The following LPAR3 variants were observed in gnomAD, a reference collection of about 807,000 sequenced individuals.
The protein encoded by LPAR3 is lysophosphatidic acid receptor 3, also known as LPA receptor 3.
LPAR3 carries 7 observed loss-of-function variants against 17.8 expected under a neutral mutation model. The ratio of observed to expected loss-of-function variants is 0.39; its 90% CI spans 0.22 to 0.74. LPAR3 has a LOEUF of 0.74. Ranked by LOEUF, LPAR3 falls within the 30% of genes least tolerant of loss-of-function variation. The probability of loss-of-function intolerance (pLI) is 0.40; values close to 1 mark genes in which losing one functional copy is unlikely to be tolerated. For missense variants in LPAR3, 391 were observed against 453.4 expected (o/e 0.86, Z 1.25); for synonymous variants, 179 against 179.9 (o/e 0.99, Z 0.04).
intron 2 of LPAR3, among the ~76,000 whole-genome samples, chr1:84,846,743 A>G (rs1400344180): frequency 6.6e-6 from 1 of 152,140 alleles, no homozygotes; most frequent in African/African-American, 2.4e-5. Context: ...AGCAAATAAG[A>G]TCTCATTCAA....
chr1:84,884,762 C>G (rs1387956422), intron 1 of LPAR3, among the ~76,000 whole-genome samples: 1 of 152,210 alleles, frequency 6.6e-6, no homozygotes, highest in African/African-American at 2.4e-5. Flanking sequence ...CTCAGAAAGA[C>G]AAGTAATAAC....
intron 1 of LPAR3, among the ~76,000 whole-genome samples, chr1:84,874,744 A>G (rs1660222563): frequency 6.6e-6 from 1 of 152,226 alleles, no homozygotes; most frequent in Non-Finnish European, 1.5e-5. Flanking sequence ...TCATAAAAGG[A>G]CAGAAAAAGT....
At chr1:84,890,163 G>A (rs1206217047) in intron 1 of LPAR3, among the ~76,000 whole-genome samples, 1 of 152,150 alleles carries the variant, frequency 6.6e-6, no homozygotes, top group African/African-American at 2.4e-5. Flanking sequence ...TCCAGGATGA[G>A]GAACAAAGGA....
intron 1 of LPAR3, among the ~76,000 whole-genome samples, chr1:84,876,387 G>A (rs1279176373): frequency 6.6e-6 from 1 of 152,154 alleles, no homozygotes; most frequent in African/African-American, 2.4e-5. Flanking sequence ...TTCTGCCAAT[G>A]AGAGGAACAG....
At chr1:84,862,096 C>A (rs748181390) in intron 2 of LPAR3, among the ~76,000 whole-genome samples, 3 of 152,046 alleles carry the variant, frequency 2.0e-5, no homozygotes, top group Admixed American at 6.6e-5. Flanking sequence ...TTTAAGCAGG[C>A]GGGTAATTTC....
chr1:84,821,134 T>C (rs59536255), intron 2 of LPAR3, among the ~76,000 whole-genome samples: 36,408 of 151,420 alleles, frequency 0.24, 5,313 homozygotes, highest in African/African-American at 0.41. Context: ...GATCAGTGGT[T>C]TTCAAACCAT....
rs970663974 is a variant in LPAR3, at chr1:84,812,887, A to G, written c.*959T>C. On this transcript the variant is annotated 3_prime_UTR_variant, in exon 3 of 3. Transcript: ENST00000370611. ...AGCTGGATGTTCCATAGGCACTTCA[A>G]ACTTCACATTCTCTTCTCCTTGTTT... The G allele has an allele frequency of 1.3e-5, 2 of 151,862 alleles. No homozygotes were observed. The highest frequency in any genetic ancestry group is 2.4e-5 in the African/African-American group (1 of 41,308). 9.4% of individuals were successfully genotyped at this position (151,862 alleles called of 1,614,324 possible).
intron 2 of LPAR3, among the ~76,000 whole-genome samples, chr1:84,841,436 T>A (rs966062653): frequency 2.0e-5 from 3 of 152,188 alleles, no homozygotes; most frequent in African/African-American, 7.2e-5. Flanking sequence ...GAAAAGTGAA[T>A]GAAACCCCCA....
intron 2 of LPAR3, among the ~76,000 whole-genome samples, chr1:84,816,870 C>A (rs1198278896): frequency 6.6e-6 from 1 of 152,120 alleles, no homozygotes; most frequent in Non-Finnish European, 1.5e-5. Flanking sequence ...CCAAACTCTG[C>A]CTGTTGTACT....
At position 84,814,163 on chromosome 1, in the gene LPAR3, C is replaced by G. The variant is rs1411256374; in HGVS notation, c.745G>C (p.Val249Leu). The change falls in exon 3 of 3, where the codon GTG (valine) becomes CTG (leucine). Residue 249 changes from valine to leucine, a missense_variant. By Grantham distance (32) the Val-to-Leu change is conservative. Coordinates refer to ENST00000370611, the MANE Select transcript of LPAR3 (RefSeq NM_012152.3). The part of the protein sequence containing the change: ...KTVMTVLGAF[V>L]VCWTPGLVVL... Reference sequence around the variant, plus strand: ...ACCAGGCCCGGGGTCCAGCATACCACAAACGCCCCTGCAAGGAGAGAAGAG... The same window carrying G: ...ACCAGGCCCGGGGTCCAGCATACCAGAAACGCCCCTGCAAGGAGAGAAGAG... The G allele has an allele frequency of 6.2e-7, 1 of 1,613,632 alleles. No homozygotes were observed.
intron 2 of LPAR3, among the ~76,000 whole-genome samples, chr1:84,836,331 C>T (rs1373642479): frequency 9.8e-6 from 1 of 102,226 alleles, no homozygotes; most frequent in Non-Finnish European, 1.9e-5. Context: ...CAATGAGATC[C>T]TGTCTTTAAA....
chr1:84,856,430 T>C (rs1659828249), intron 2 of LPAR3, among the ~76,000 whole-genome samples: 1 of 152,244 alleles, frequency 6.6e-6, no homozygotes, highest in Non-Finnish European at 1.5e-5. Flanking sequence ...ATTTGATTAC[T>C]AAGGCATGCA....
At chr1:84,842,084 AAC>A (rs1223039169) in intron 2 of LPAR3, among the ~76,000 whole-genome samples, 1 of 152,218 alleles carries the variant, frequency 6.6e-6, no homozygotes, top group Non-Finnish European at 1.5e-5. Context: ...TTTCCTGAAT[AAC>A]ACAGGGCTTT....
chr1:84,861,020 T>C (rs1171967236), intron 2 of LPAR3, among the ~76,000 whole-genome samples: 1 of 152,216 alleles, frequency 6.6e-6, no homozygotes, highest in African/African-American at 2.4e-5. Context: ...ATTATAGGCG[T>C]GAGCCACCAC....
intron 1 of LPAR3, among the ~76,000 whole-genome samples, chr1:84,870,110 C>A (rs1022277699): frequency 1.3e-5 from 2 of 152,204 alleles, no homozygotes; most frequent in African/African-American, 4.8e-5. Context: ...ATCTCTTGGC[C>A]TCCCTTAACC....
At chr1:84,842,741 T>A (rs1174801282) in intron 2 of LPAR3, among the ~76,000 whole-genome samples, 29 of 152,208 alleles carry the variant, frequency 1.9e-4, no homozygotes, top group Admixed American at 1.9e-3. Context: ...TAGAAGATAA[T>A]CATAACAGTC....
intron 1 of LPAR3, among the ~76,000 whole-genome samples, chr1:84,881,668 C>T (rs1029176625): frequency 2.0e-5 from 3 of 152,106 alleles, no homozygotes; most frequent in Non-Finnish European, 4.4e-5. Flanking sequence ...GGGCTCAGTG[C>T]TGCAGTGACT....
At chr1:84,869,005 A>G (rs1339327953) in intron 1 of LPAR3, among the ~76,000 whole-genome samples, 1 of 152,204 alleles carries the variant, frequency 6.6e-6, no homozygotes, top group African/African-American at 2.4e-5. Flanking sequence ...TAAGAGAAAC[A>G]TTTCTAATTT....
intron 1 of LPAR3, among the ~76,000 whole-genome samples, chr1:84,872,000 C>A (rs80016986): frequency 3.9e-5 from 6 of 152,152 alleles, no homozygotes; most frequent in Non-Finnish European, 5.9e-5. Flanking sequence ...ACTTGGGCTA[C>A]GGTCTATCTC....
Sources: gnomAD v4.1 joint callset for allele counts (sites outside exome capture counted in the v4.1 genomes callset) on GRCh38, gnomAD v4.1.1 for gene constraint, MANE v1.5 for transcripts, NCBI Gene and HGNC (gene_info 2026-07-23, HGNC 2026-07-21) for gene names.